The following BLTP2 variants were observed in gnomAD, a reference collection of about 807,000 sequenced individuals.
The protein encoded by BLTP2 is U937-associated antigen.
At chr17:28,631,803 G>A in the BLTP2 span, 1 of 1,610,532 alleles carries the variant, frequency 6.2e-7, no homozygotes. Context: ...AGAAATGAAA[G>A]GAGTCTTTCA....
chr17:28,634,214 C>T, the BLTP2 span: 2 of 815,578 alleles, frequency 2.5e-6, no homozygotes, highest in East Asian at 5.3e-5. Context: ...CAAGGGCAGG[C>T]AGTTGACACA....
the BLTP2 span, among the ~76,000 whole-genome samples, chr17:28,631,083 A>G: frequency 4.6e-5 from 7 of 152,172 alleles, no homozygotes; most frequent in African/African-American, 1.7e-4. Flanking sequence ...GTTCCCCCCA[A>G]ATTCATATGT....
chr17:28,623,259 G>A, the BLTP2 span, among the ~76,000 whole-genome samples: 5 of 152,064 alleles, frequency 3.3e-5, no homozygotes, highest in Admixed American at 2.6e-4. Flanking sequence ...TCCATTTCAC[G>A]ATTAAAGGTG....
At chr17:28,642,918 G>C in the BLTP2 span, 1 of 1,610,890 alleles carries the variant, frequency 6.2e-7, no homozygotes. Context: ...ATCTGAATAT[G>C]CCATAAGGAC....
chr17:28,616,960 G>A, the BLTP2 span: 1 of 1,614,056 alleles, frequency 6.2e-7, no homozygotes, highest in Non-Finnish European at 8.5e-7. This position sits in a 1 kb window ranked among gnomAD's most constrained non-coding sequence, Gnocchi z 4.8. Context: ...AGAGCTAGCT[G>A]TCGCCCAGAC....
chr17:28,642,084 G>A, the BLTP2 span: 16 of 1,612,876 alleles, frequency 9.9e-6, no homozygotes, highest in African/African-American at 1.3e-5. Flanking sequence ...TCCTCCTGTG[G>A]GGATGATAAG....
the BLTP2 span, chr17:28,631,499 T>C: frequency 1.2e-6 from 2 of 1,614,148 alleles, no homozygotes; most frequent in Non-Finnish European, 1.7e-6. Context: ...GTGCGATTGC[T>C]ATGCCGTTGG....
At chr17:28,638,036 T>C in the BLTP2 span, 3 of 1,614,082 alleles carry the variant, frequency 1.9e-6, no homozygotes, top group Non-Finnish European at 1.7e-6. Flanking sequence ...AATGGTACAA[T>C]CAAGAAAAAG....
the BLTP2 span, chr17:28,642,345 GA>G: frequency 6.2e-7 from 1 of 1,613,906 alleles, no homozygotes; most frequent in Non-Finnish European, 8.5e-7. Flanking sequence ...CCTGGGAAAG[GA>G]AAAAAATTAA....
At chr17:28,635,036 G>T in the BLTP2 span, 4 of 1,613,368 alleles carry the variant, frequency 2.5e-6, no homozygotes, top group African/African-American at 1.3e-5. Flanking sequence ...CCTTGATGTA[G>T]TCCCTTCAGC....
chr17:28,632,724 A>G, the BLTP2 span, among the ~76,000 whole-genome samples: 1 of 152,148 alleles, frequency 6.6e-6, no homozygotes, highest in African/African-American at 2.4e-5. Context: ...TGTTGTTTAT[A>G]AGCTACCAAA....
chr17:28,616,440 C>T, the BLTP2 span: 1 of 1,614,198 alleles, frequency 6.2e-7, no homozygotes, highest in Non-Finnish European at 8.5e-7. The surrounding 1 kb of genome is among the most constrained non-coding windows in gnomAD (Gnocchi z 4.8). Flanking sequence ...CTGTGCCACA[C>T]CCTTCCCAGG....
chr17:28,639,614 T>A, the BLTP2 span: 1 of 1,614,166 alleles, frequency 6.2e-7, no homozygotes, highest in Non-Finnish European at 8.5e-7. Flanking sequence ...AGACAATGCG[T>A]TGGCGACTCT....
the BLTP2 span, chr17:28,640,437 G>T: frequency 9.8e-7 from 1 of 1,016,296 alleles, no homozygotes; most frequent in Non-Finnish European, 1.5e-6. Context: ...CTACATGGAT[G>T]TAACCATTTC....
the BLTP2 span, chr17:28,636,937 TG>T: frequency 4.4e-6 from 7 of 1,590,970 alleles, no homozygotes; most frequent in Admixed American, 1.7e-5. Context: ...AAAACCAGCC[TG>T]GCCCCACCTC....
At chr17:28,619,516 G>A in the BLTP2 span, 5 of 1,030,380 alleles carry the variant, frequency 4.9e-6, no homozygotes, top group Non-Finnish European at 7.1e-6. Flanking sequence ...TCTTATTCAG[G>A]AAGAGATGTC....
chr17:28,624,493 A>G, the BLTP2 span: 2 of 1,021,864 alleles, frequency 2.0e-6, no homozygotes, highest in Non-Finnish European at 1.4e-6. Context: ...CTGGCTAGGT[A>G]AGAGCTTAGA....
the BLTP2 span, chr17:28,642,975 G>A: frequency 6.3e-7 from 1 of 1,587,112 alleles, no homozygotes; most frequent in Non-Finnish European, 8.7e-7. Flanking sequence ...GCATCTACAT[G>A]AATGGAGAAT....
At chr17:28,620,495 G>A in the BLTP2 span, 1 of 1,613,590 alleles carries the variant, frequency 6.2e-7, no homozygotes, top group Admixed American at 1.7e-5. Flanking sequence ...CATTCTACAA[G>A]GGCCCATGCT....
Sources: gnomAD v4.1 joint callset for allele counts (sites outside exome capture counted in the v4.1 genomes callset) on GRCh38, gnomAD v4.1.1 for gene constraint, Gnocchi (gnomAD v3.1) non-coding constraint, MANE v1.5 for transcripts, NCBI Gene and HGNC (gene_info 2026-07-23, HGNC 2026-07-21) for gene names.